The following SHANK2 variants were observed in gnomAD, a reference collection of about 807,000 sequenced individuals.
The protein encoded by SHANK2 is SH3 and multiple ankyrin repeat domains protein 2.
A neutral mutation model predicts 133.7 loss-of-function variants in SHANK2; 43 were observed. The ratio of observed to expected loss-of-function variants is 0.32; its 90% CI spans 0.25 to 0.41. The LOEUF is 0.41. Ranked by LOEUF, SHANK2 falls within the 10% of genes least tolerant of loss-of-function variation. SHANK2 has a pLI of 1.00. For missense variants in SHANK2, 1,994 were observed against 2,235.8 expected (o/e 0.89, Z 2.18); for synonymous variants, 1,017 against 952.8 (o/e 1.07, Z -1.24).
rs1555158294 is a variant in SHANK2 at position 70,500,779 on chromosome 11, T to C, written c.2288-189A>G. 3 of 774,340 alleles carry C rather than the reference T, an allele frequency of 3.9e-6. No homozygotes were observed. Among genetic ancestry groups the C allele is most frequent in the Non-Finnish European group, 4.6e-6 (2 of 437,454 alleles). The allele number at this position is 774,340 out of a possible 1,614,324, so 48.0% of individuals were successfully genotyped here. A position where few individuals can be genotyped will look rare whatever the true frequency, so the allele number is the denominator to read the frequency against. On this transcript the variant is annotated intron_variant, in intron 20 of 25. Transcript: ENST00000601538. This position sits in a 1 kb window ranked among gnomAD's most constrained non-coding sequence, Gnocchi z 4.5. ...CCATGGAGTGGCTTTCCCCAAACCT[T>C]GGCTGCCCGCACAACTCTGTCCTGT...
chr11:70,881,866 A>T (rs1237380602), intron 11 of SHANK2, among the ~76,000 whole-genome samples: 1 of 151,634 alleles, frequency 6.6e-6, no homozygotes, highest in Non-Finnish European at 1.5e-5. Flanking sequence ...AGCCTCCTGC[A>T]CCCAGCAAAT....
chr11:70,726,485 G>GGGGGGGGGGGGGGGGA (rs1946183911), intron 14 of SHANK2, among the ~76,000 whole-genome samples: 1 of 126,050 alleles, frequency 7.9e-6, no homozygotes, highest in Admixed American at 8.4e-5. Flanking sequence ...GGTGGGGTGG[G>GGGGGGGGGGGGGGGGA]CAGATAAATT....
chr11:70,888,876 C>T (rs782817169), intron 11 of SHANK2, among the ~76,000 whole-genome samples: 4 of 151,982 alleles, frequency 2.6e-5, no homozygotes, highest in Non-Finnish European at 4.4e-5. Context: ...TTGGAGTGAA[C>T]AAGAGCTGGG....
At chr11:70,683,065 T>C (rs1555018707) in intron 15 of SHANK2, among the ~76,000 whole-genome samples, 1 of 152,178 alleles carries the variant, frequency 6.6e-6, no homozygotes, top group African/African-American at 2.4e-5. Context: ...ATGGCCTCAG[T>C]TTCCCTGCTG....
chr11:70,881,734 T>C (rs950155287), intron 11 of SHANK2, among the ~76,000 whole-genome samples: 11 of 2,046 alleles, frequency 5.4e-3, no homozygotes, highest in African/African-American at 6.6e-3. Flanking sequence ...GGCTTTAATT[T>C]TATTTTTTTT....
At chr11:70,932,839 G>GA (rs1237695749) in intron 10 of SHANK2, among the ~76,000 whole-genome samples, 9 of 150,962 alleles carry the variant, frequency 6.0e-5, no homozygotes, top group East Asian at 1.9e-4. Context: ...CTACTACATA[G>GA]AAAAAAAAAG....
rs782763423 is a variant in SHANK2, at chr11:70,490,296, A to G, written c.2531T>C (p.Met844Thr). 3.1e-6 allele frequency: 5 copies of G among 1,614,070 alleles called. No homozygotes were observed. Among genetic ancestry groups the G allele is most frequent in the Admixed American group, 3.3e-5 (2 of 60,010 alleles). ...APFLGIPRGT[M>T]RRQKSIDSRI... ...CTTACCTATTGATTTCTGCCTTCGC[A>G]TCGTACCTCGAGGGATGCCCAGAAA... The change falls in exon 23 of 26, where the codon ATG (methionine) becomes ACG (threonine). Residue 844 changes from methionine to threonine, a missense_variant. By Grantham distance (81) the Met-to-Thr change is moderately conservative. Transcript: ENST00000601538.
At chr11:70,780,614 C>T (rs1211931691) in intron 14 of SHANK2, among the ~76,000 whole-genome samples, 1 of 147,654 alleles carries the variant, frequency 6.8e-6, no homozygotes, top group Admixed American at 6.8e-5. Flanking sequence ...TGCTCTGTCA[C>T]CCAGGCTGGA....
intron 25 of SHANK2, among the ~76,000 whole-genome samples, chr11:70,476,081 T>C (rs61885876): frequency 1.3e-5 from 2 of 151,426 alleles, no homozygotes; most frequent in South Asian, 2.1e-4. Flanking sequence ...AAAAAAAAAT[T>C]AGCTGAGTGT....
At chr11:71,066,094 G>A (rs1951055102) in intron 9 of SHANK2, among the ~76,000 whole-genome samples, 3 of 143,106 alleles carry the variant, frequency 2.1e-5, no homozygotes, top group South Asian at 2.2e-4. Context: ...AGTTGGTGGG[G>A]GGGGTGTGTG....
At chr11:70,923,649 A>G (rs1950384248) in intron 10 of SHANK2, among the ~76,000 whole-genome samples, 1 of 152,214 alleles carries the variant, frequency 6.6e-6, no homozygotes, top group African/African-American at 2.4e-5. Flanking sequence ...CCCAGGCTCA[A>G]GCAATCCTCC....
rs34081906 is a variant in SHANK2, at chr11:70,730,826, C to CT, written c.1778-32064dup. Among the ~76,000 whole-genome samples the CT allele has an allele frequency of 2.1e-3, 273 of 127,386 alleles. 2 individuals carry two copies. Among genetic ancestry groups the CT allele is most frequent in the East Asian group, 6.1e-3 (28 of 4,554 alleles). 83.6% of individuals were successfully genotyped at this position (127,386 alleles called of 152,430 possible). A position where few individuals can be genotyped will look rare whatever the true frequency, so the allele number is the denominator to read the frequency against. On this transcript the variant is annotated intron_variant, in intron 14 of 25. Transcript: ENST00000601538. ...TGCCTGGGACCTCTCTTTTTTATTTCTTTTTTTTTTTTTTTTTTGTAATTT... is the reference window on the plus strand; with the variant it reads ...TGCCTGGGACCTCTCTTTTTTATTTCTTTTTTTTTTTTTTTTTTTGTAATTT...
At chr11:71,232,558 T>C (rs1319335889) in intron 1 of SHANK2, among the ~76,000 whole-genome samples, 1 of 151,656 alleles carries the variant, frequency 6.6e-6, no homozygotes, top group Non-Finnish European at 1.5e-5. Context: ...CCTCTCCTCC[T>C]CCTCCTCCTC....
At chr11:70,820,826 A>AC in intron 11 of SHANK2, 144 bp from the exon 12 acceptor site, 1 of 537,866 alleles carries the variant, frequency 1.9e-6, no homozygotes, top group Non-Finnish European at 3.3e-6. Flanking sequence ...CTGGGCCGAG[A>AC]CCCCAGCTGG....
rs1165842397 is a variant in SHANK2 at position 71,077,497 on chromosome 11, T to TCCCACA, written c.913-2228_913-2223dup. Among the ~76,000 whole-genome samples the TCCCACA allele has an allele frequency of 4.9e-4, 75 of 152,176 alleles. No homozygotes were observed. The East Asian group carries it at 0.012, about 23-fold the overall frequency. On this transcript the variant is annotated intron_variant, in intron 8 of 25. Coordinates refer to ENST00000601538, the MANE Select transcript of SHANK2 (RefSeq NM_012309.5). The stretch of plus-strand genomic sequence containing the variant: ...AGAGCATGCTTCCATTTTCCACTTT[T>TCCCACA]CCCACATCCATTGTTTTATAACACA...
At chr11:70,844,812 C>A (rs59696817) in intron 11 of SHANK2, among the ~76,000 whole-genome samples, 91 of 152,302 alleles carry the variant, frequency 6.0e-4, no homozygotes, top group African/African-American at 2.1e-3. Context: ...GGTCTGAGCG[C>A]CCCCATGGCC....
intron 10 of SHANK2, among the ~76,000 whole-genome samples, chr11:70,922,432 G>GA (rs1282656939): frequency 6.6e-6 from 1 of 151,780 alleles, no homozygotes; most frequent in Non-Finnish European, 1.5e-5. Context: ...ATAAACACAG[G>GA]AAAAAAACAT....
rs1005395332 is a variant in SHANK2 at position 70,654,849 on chromosome 11, C to T, written c.2061+4979G>A. Among the ~76,000 whole-genome samples the T allele has an allele frequency of 4.6e-5, 7 of 151,446 alleles. 1 individual carries two copies. In the South Asian group the frequency reaches 1.0e-3, roughly 23 times the overall value. ...GTGGCGTGATCTCGGCTCACGGCAACGTCCGCCTCCCGGGTTCAAGCGATT... is the reference window on the plus strand; with the variant it reads ...GTGGCGTGATCTCGGCTCACGGCAATGTCCGCCTCCCGGGTTCAAGCGATT... On this transcript the variant is annotated intron_variant, in intron 17 of 25. Transcript: ENST00000601538.
At chr11:70,658,256 C>G (rs137954357) in intron 17 of SHANK2, among the ~76,000 whole-genome samples, 1 of 121,450 alleles carries the variant, frequency 8.2e-6, no homozygotes, top group Admixed American at 7.9e-5. Flanking sequence ...GACACACACA[C>G]ACACACAGAC....
Sources: gnomAD v4.1 joint callset for allele counts (sites outside exome capture counted in the v4.1 genomes callset) on GRCh38, gnomAD v4.1.1 for gene constraint, Gnocchi (gnomAD v3.1) non-coding constraint, MANE v1.5 for transcripts, NCBI Gene and HGNC (gene_info 2026-07-23, HGNC 2026-07-21) for gene names.